Variants in ADD3 observed in about 807,000 individuals in gnomAD.
ADD3 encodes adducin 3, also known as gamma-adducin.
Under a neutral mutation model 80.2 loss-of-function variants are expected in ADD3, and 25 were observed. The ratio of observed to expected loss-of-function variants is 0.31; its 90% CI spans 0.23 to 0.44. The LOEUF (loss-of-function observed/expected upper bound fraction) is 0.44. ADD3 is among the 20% of genes least tolerant of loss of function. The probability of loss-of-function intolerance (pLI) is 1.00; values close to 1 mark genes in which losing one functional copy is unlikely to be tolerated. For synonymous variants in ADD3, 284 were observed against 289.6 expected (o/e 0.98, Z 0.20); for missense variants, 829 against 847.5 (o/e 0.98, Z 0.27).
rs959406467 is a variant in ADD3, at chr10:110,049,616, G to T, written c.-30+41317G>T. ...AGATTTGACTGCTCTGGCCAGGCGC[G>T]GTGGCTCATGCCTGTAAGCCCAGCA... On this transcript the variant is annotated intron_variant, in intron 1 of 14. Coordinates refer to ENST00000356080, the MANE Select transcript of ADD3 (RefSeq NM_016824.5). Among the ~76,000 whole-genome samples the T allele has an allele frequency of 3.3e-5, 5 of 152,164 alleles. No individual in the cohort carries two copies. In the East Asian group the frequency reaches 9.6e-4, roughly 29 times the overall value.
intron 1 of ADD3, among the ~76,000 whole-genome samples, chr10:110,058,714 A>G (rs927070166): frequency 6.6e-6 from 1 of 152,108 alleles, no homozygotes; most frequent in African/African-American, 2.4e-5. Flanking sequence ...GGATATCACT[A>G]TTTCCTTTGT....
intron 1 of ADD3, among the ~76,000 whole-genome samples, chr10:110,013,597 C>G (rs951417552): frequency 2.0e-5 from 3 of 152,178 alleles, no homozygotes; most frequent in South Asian, 2.1e-4. Context: ...AATAAAATAA[C>G]AGTGATCACA....
At chr10:110,115,174 G>A (rs1005841268) in intron 3 of ADD3, among the ~76,000 whole-genome samples, 1 of 151,656 alleles carries the variant, frequency 6.6e-6, no homozygotes, top group African/African-American at 2.4e-5. Context: ...TGGATCATCT[G>A]AGGTCAGGAG....
chr10:110,129,489 A>T (rs1016041838), intron 12 of ADD3, among the ~76,000 whole-genome samples: 7 of 152,004 alleles, frequency 4.6e-5, no homozygotes, highest in African/African-American at 7.3e-5. Context: ...TGCAGAGATG[A>T]GAGAGAGGGA....
At chr10:109,999,084 C>CT (rs1001822781) in intron 1 of ADD3, among the ~76,000 whole-genome samples, 2 of 152,030 alleles carry the variant, frequency 1.3e-5, no homozygotes, top group Non-Finnish European at 2.9e-5. Context: ...GTGAAAATAA[C>CT]TGAGTGAATT....
chr10:110,060,466 G>A (rs149876056), intron 1 of ADD3, among the ~76,000 whole-genome samples: 2 of 152,276 alleles, frequency 1.3e-5, no homozygotes, highest in African/African-American at 2.4e-5. Context: ...TTAGCCTAGT[G>A]CTATAATTGA....
chr10:110,121,917 T>G (rs1590217946), intron 8 of ADD3, 193 bp from the exon 9 acceptor site: 1 of 453,546 alleles, frequency 2.2e-6, no homozygotes. Context: ...TCTTGGAAGG[T>G]TTCTTTTTCA....
intron 1 of ADD3, among the ~76,000 whole-genome samples, chr10:110,015,377 A>G (rs917983847): frequency 1.4e-5 from 2 of 139,792 alleles, no homozygotes; most frequent in Non-Finnish European, 3.1e-5. Context: ...AGAATGTTTG[A>G]TTTTTTTTTT....
In ADD3 at chr10:110,100,913, A is replaced by C. The variant is rs937055499; in HGVS notation, c.195+65A>C. 4.2e-6 allele frequency: 6 copies of C among 1,436,502 alleles called. No homozygotes were observed. In the African/African-American group the frequency reaches 5.8e-5, roughly 14 times the overall value. The allele number at this position is 1,436,502 out of a possible 1,614,324, so 89.0% of individuals were successfully genotyped here. A position where few individuals can be genotyped will look rare whatever the true frequency, so the allele number is the denominator to read the frequency against. On this transcript the variant is annotated intron_variant, in intron 2 of 14. Transcript: ENST00000356080. ...GGAAATGTTAGTATAATAAGGTAGAAGTTTTCTCAAACTACCCTCAGGTTA... is the reference window on the plus strand; with the variant it reads ...GGAAATGTTAGTATAATAAGGTAGACGTTTTCTCAAACTACCCTCAGGTTA...
intron 13 of ADD3, 63 bp downstream of exon 13, chr10:110,130,549 T>C (rs1053886991): frequency 1.1e-5 from 17 of 1,562,432 alleles, no homozygotes; most frequent in Admixed American, 3.6e-5. Context: ...GTACCTCACG[T>C]TGGATGATAG....
chr10:110,061,073 C>T (rs74154968), intron 1 of ADD3, among the ~76,000 whole-genome samples: 1 of 152,182 alleles, frequency 6.6e-6, no homozygotes, highest in Admixed American at 6.5e-5. Context: ...TATGTTGTCC[C>T]TCTCATTGTA....
intron 1 of ADD3, among the ~76,000 whole-genome samples, chr10:110,066,366 A>G (rs997064237): frequency 6.6e-6 from 1 of 152,060 alleles, no homozygotes; most frequent in Non-Finnish European, 1.5e-5. Flanking sequence ...CCTCCTGAGT[A>G]GCTGGGACTA....
upstream of ADD3, among the ~76,000 whole-genome samples, chr10:110,001,073 T>C (rs1351045280): frequency 1.3e-5 from 2 of 152,190 alleles, no homozygotes; most frequent in African/African-American, 4.8e-5. Flanking sequence ...CCATATGTTA[T>C]GTCATTTAAT....
At chr10:110,081,555 A>C (rs944445437) in intron 1 of ADD3, among the ~76,000 whole-genome samples, 1 of 152,100 alleles carries the variant, frequency 6.6e-6, no homozygotes, top group Non-Finnish European at 1.5e-5. Flanking sequence ...TTGGAGGCAC[A>C]CTCTTCTGTA....
intron 1 of ADD3, among the ~76,000 whole-genome samples, chr10:110,056,510 A>T (rs760104284): frequency 1.1e-4 from 17 of 152,258 alleles, no homozygotes; most frequent in Admixed American, 2.0e-4. Context: ...TTTTCTCCTT[A>T]TCACAAACAG....
At chr10:110,072,856 G>C (rs1335062579) in intron 1 of ADD3, among the ~76,000 whole-genome samples, 2 of 152,130 alleles carry the variant, frequency 1.3e-5, no homozygotes, top group African/African-American at 4.8e-5. Flanking sequence ...AAAACTATAG[G>C]ATGGCAGACT....
intron 1 of ADD3, among the ~76,000 whole-genome samples, chr10:110,044,183 C>T (rs922770140): frequency 6.6e-6 from 1 of 152,180 alleles, no homozygotes; most frequent in African/African-American, 2.4e-5. Flanking sequence ...TCCTGGGTGA[C>T]AGAGCGAGAC....
intron 2 of ADD3, among the ~76,000 whole-genome samples, chr10:110,106,343 G>T (rs1199089946): frequency 1.3e-5 from 2 of 151,344 alleles, no homozygotes; most frequent in Non-Finnish European, 3.0e-5. Context: ...ATTTTATCAG[G>T]TCAGGTTTTT....
chr10:110,039,660 CATT>C (rs1428827061), intron 1 of ADD3, among the ~76,000 whole-genome samples: 1 of 152,210 alleles, frequency 6.6e-6, no homozygotes, highest in Non-Finnish European at 1.5e-5. Flanking sequence ...AGACAACAAA[CATT>C]ATCTCACAGT....
Sources: allele counts gnomAD v4.1 joint callset (sites outside exome capture counted in the v4.1 genomes callset), GRCh38; gene constraint gnomAD v4.1.1; transcripts MANE v1.5; gene names NCBI Gene and HGNC (gene_info 2026-07-23, HGNC 2026-07-21).